LARP4B: variants seen among roughly 807,000 people sequenced by gnomAD.
LARP4B encodes the protein la-related protein 4B.
A neutral mutation model predicts 89.8 loss-of-function variants in LARP4B; 12 were observed. The observed-to-expected ratio is 0.13, with a 90% CI of 0.09 to 0.22. The LOEUF (loss-of-function observed/expected upper bound fraction) is 0.22, where lower values mean the gene tolerates loss of function less well. LARP4B is among the 10% of genes least tolerant of loss of function. LARP4B has a pLI of 1.00. For synonymous variants in LARP4B, 367 were observed against 363.3 expected (o/e 1.01, Z -0.12); for missense variants, 757 against 947.7 (o/e 0.80, Z 2.64).
chr10:976,802 G>T, the LARP4B span, among the ~76,000 whole-genome samples: 1 of 149,970 alleles, frequency 6.7e-6, no homozygotes, highest in East Asian at 2.0e-4. Flanking sequence ...GTCATGTAAT[G>T]TGTGGACCCG....
Position 836,454 on chromosome 10 carries a change from T to C in LARP4B, c.699A>G (p.Gln233=). 2 of 1,613,728 alleles carry C rather than the reference T, an allele frequency of 1.2e-6. No individual in the cohort carries two copies. The highest frequency in any genetic ancestry group is 1.7e-6 in the Non-Finnish European group (2 of 1,179,728). The change falls in exon 8 of 18, where the codon CAA becomes CAG. Residue 233 remains glutamine, a synonymous_variant. Coordinates refer to ENST00000316157, the MANE Select transcript of LARP4B (RefSeq NM_015155.3). ...CACGCAATATTACTATGCAGCGATTTTGATTTGGCCTTACTTTTTCTCCCT... is the reference window on the plus strand; with the variant it reads ...CACGCAATATTACTATGCAGCGATTCTGATTTGGCCTTACTTTTTCTCCCT... ...DEKGEKVRPN[Q]NRCIVILREI...
At chr10:878,186 A>C (rs753779621) in intron 3 of LARP4B, among the ~76,000 whole-genome samples, 3 of 152,226 alleles carry the variant, frequency 2.0e-5, no homozygotes, top group Admixed American at 6.5e-5. Context: ...GACAGGTGCC[A>C]GACTACGAAG....
chr10:957,689 T>A, the LARP4B span, among the ~76,000 whole-genome samples: 2 of 152,172 alleles, frequency 1.3e-5, no homozygotes, highest in Non-Finnish European at 2.9e-5. Flanking sequence ...AAAAATTTTA[T>A]AAGGTTAAAT....
At chr10:936,491 G>A (rs905207445), upstream of LARP4B, among the ~76,000 whole-genome samples, 9 of 152,124 alleles carry the variant, frequency 5.9e-5, no homozygotes, top group African/African-American at 2.2e-4. Context: ...AGGCCGAGGC[G>A]GGTGTATCAT....
At chr10:960,636 A>G in the LARP4B span, among the ~76,000 whole-genome samples, 1 of 141,116 alleles carries the variant, frequency 7.1e-6, no homozygotes, top group Non-Finnish European at 1.5e-5. Context: ...TGAACCTGGG[A>G]GGTGGAGGTT....
intron 1 of LARP4B, among the ~76,000 whole-genome samples, chr10:918,452 A>ATTT (rs1836886561): frequency 6.6e-6 from 1 of 152,038 alleles, no homozygotes; most frequent in Non-Finnish European, 1.5e-5. Flanking sequence ...GTGCAACAAG[A>ATTT]TGAAAACCCA....
intron 7 of LARP4B, among the ~76,000 whole-genome samples, chr10:841,223 C>T (rs78376317): frequency 0.012 from 1,802 of 152,268 alleles, 33 homozygotes; most frequent in African/African-American, 0.041. Context: ...TTTGCTCCTG[C>T]GGACCTATTT....
intron 5 of LARP4B, among the ~76,000 whole-genome samples, chr10:847,216 T>C (rs945187028): frequency 2.6e-5 from 4 of 151,892 alleles, no homozygotes; most frequent in Admixed American, 1.3e-4. Flanking sequence ...AGATGAGAGA[T>C]AATACCACCT....
At chr10:945,461 T>C in the LARP4B span, among the ~76,000 whole-genome samples, 1,361 of 148,650 alleles carry the variant, frequency 9.2e-3, 10 homozygotes, top group African/African-American at 0.019. Flanking sequence ...CCAAGGCGGG[T>C]GGATCACAAG....
chr10:827,209 G>A (rs1406876188), intron 11 of LARP4B, among the ~76,000 whole-genome samples: 1 of 151,998 alleles, frequency 6.6e-6, no homozygotes, highest in Non-Finnish European at 1.5e-5. Flanking sequence ...CCGGGAGGCG[G>A]AGCTTGCAGT....
At chr10:923,383 C>T (rs1443146115) in intron 1 of LARP4B, among the ~76,000 whole-genome samples, 1 of 152,048 alleles carries the variant, frequency 6.6e-6, no homozygotes, top group Non-Finnish European at 1.5e-5. Flanking sequence ...CGCATCTTTT[C>T]CTTTGCAAAC....
intron 3 of LARP4B, among the ~76,000 whole-genome samples, chr10:879,645 A>ACAC (rs1222320397): frequency 2.0e-5 from 3 of 152,094 alleles, no homozygotes; most frequent in Admixed American, 6.5e-5. Context: ...CAGCAGGCAC[A>ACAC]CACCACCATG....
the LARP4B span, among the ~76,000 whole-genome samples, chr10:948,073 C>T: frequency 1.3e-5 from 2 of 152,012 alleles, no homozygotes; most frequent in African/African-American, 2.4e-5. Flanking sequence ...GGAGCTGCGC[C>T]GACTGCCCAC....
At chr10:976,474 C>T in the LARP4B span, among the ~76,000 whole-genome samples, 10 of 148,520 alleles carry the variant, frequency 6.7e-5, no homozygotes, top group Admixed American at 2.0e-4. Flanking sequence ...GTAGGCCTGT[C>T]GTGTAATGTG....
At chr10:843,680 CAA>C (rs1395072987) in intron 6 of LARP4B, among the ~76,000 whole-genome samples, 2 of 151,784 alleles carry the variant, frequency 1.3e-5, no homozygotes, top group African/African-American at 2.4e-5. Flanking sequence ...GCCTGGGCGA[CAA>C]GAGTGAAACT....
At position 814,720 on chromosome 10, in the gene LARP4B, A is replaced by T. The variant is rs1831935719; in HGVS notation, c.1929+22T>A. 3 of 1,574,404 alleles carry T rather than the reference A, an allele frequency of 1.9e-6. No homozygotes were observed. The highest frequency in any genetic ancestry group is 2.6e-6 in the Non-Finnish European group (3 of 1,159,240). ...CAGAGCCTCGCGGCTGTCGTGCAGGAAGGCAGGCACGAGGTACGTACCGTG... is the reference window on the plus strand; with the variant it reads ...CAGAGCCTCGCGGCTGTCGTGCAGGTAGGCAGGCACGAGGTACGTACCGTG... On this transcript the variant is annotated intron_variant, in intron 17 of 17. Transcript: ENST00000316157. This position sits in a 1 kb window ranked among gnomAD's most constrained non-coding sequence, Gnocchi z 4.4.
At chr10:977,471 C>T in the LARP4B span, among the ~76,000 whole-genome samples, 1 of 151,016 alleles carries the variant, frequency 6.6e-6, no homozygotes. Context: ...CCTGGGAGGT[C>T]AAGGCTGCAG....
chr10:901,597 T>C (rs1415500720), intron 1 of LARP4B, among the ~76,000 whole-genome samples: 4 of 152,216 alleles, frequency 2.6e-5, no homozygotes, highest in Admixed American at 6.5e-5. Flanking sequence ...AGTATCTCTA[T>C]GATATTCCAT....
At chr10:861,409 G>A (rs1223838201) in intron 5 of LARP4B, among the ~76,000 whole-genome samples, 2 of 152,152 alleles carry the variant, frequency 1.3e-5, no homozygotes, top group Non-Finnish European at 2.9e-5. Flanking sequence ...TTGTACATCG[G>A]TTATGCCTCA....
Sources: gnomAD v4.1 joint callset for allele counts (sites outside exome capture counted in the v4.1 genomes callset) on GRCh38, gnomAD v4.1.1 for gene constraint, Gnocchi (gnomAD v3.1) non-coding constraint, MANE v1.5 for transcripts, NCBI Gene and HGNC (gene_info 2026-07-23, HGNC 2026-07-21) for gene names.